DGKB: variants seen among roughly 807,000 people sequenced by gnomAD.
The protein encoded by DGKB is 90 kDa diacylglycerol kinase.
Under a neutral mutation model 114.3 loss-of-function variants are expected in DGKB, and 67 were observed. The observed-to-expected ratio is 0.59, with a 90% CI of 0.48 to 0.72. The LOEUF is 0.72. DGKB is among the 30% of genes least tolerant of loss of function. The pLI, the probability that DGKB is intolerant of heterozygous loss-of-function variation, is 0.00. For synonymous variants in DGKB, 398 were observed against 323.1 expected, an observed-to-expected ratio of 1.23 and a Z score of -2.49; for missense variants, 907 against 975.2, an observed-to-expected ratio of 0.93 and a Z score of 0.93.
At chr7:14,793,005 T>C (rs1840897133) in intron 2 of DGKB, among the ~76,000 whole-genome samples, 1 of 152,086 alleles carries the variant, frequency 6.6e-6, no homozygotes, top group Non-Finnish European at 1.5e-5. Flanking sequence ...TGTGAAGATA[T>C]ACACAGACAA....
chr7:14,506,892 A>C (rs1787170231), intron 20 of DGKB, among the ~76,000 whole-genome samples: 1 of 152,192 alleles, frequency 6.6e-6, no homozygotes, highest in Non-Finnish European at 1.5e-5. Flanking sequence ...GAAGTCATAT[A>C]TATCAATTCT....
At chr7:14,931,803 C>T (rs1587405778) in intron 1 of DGKB, among the ~76,000 whole-genome samples, 1 of 151,914 alleles carries the variant, frequency 6.6e-6, no homozygotes, top group East Asian at 2.0e-4. Flanking sequence ...GACTAAGCCT[C>T]AGGAGCAACT....
rs1242332352 is a variant in DGKB, at chr7:14,866,682, CT to C, written c.-187-25233del. ...CAAGTTTTGGCAATTATTAATGAAACTGCTATAAACATTCATATGCAGATTT... is the reference window on the plus strand; with the variant it reads ...CAAGTTTTGGCAATTATTAATGAAACGCTATAAACATTCATATGCAGATTT... On this transcript the variant is annotated intron_variant, in intron 1 of 25. Coordinates refer to ENST00000402815, the MANE Select transcript of DGKB (RefSeq NM_001350709.2). Among the ~76,000 whole-genome samples the C allele has an allele frequency of 5.3e-5, 8 of 152,204 alleles. No homozygotes were observed. In the East Asian group the frequency reaches 7.7e-4, roughly 15 times the overall value.
intron 21 of DGKB, among the ~76,000 whole-genome samples, chr7:14,368,573 C>CTGTGTGTGTGTGTG (rs3069084): frequency 2.9e-4 from 43 of 148,728 alleles, no homozygotes; most frequent in Middle Eastern, 3.5e-3. Flanking sequence ...GGTATTTTCT[C>CTGTGTGTGTGTGTG]TGTGTGTGTG....
At chr7:14,424,367 C>A (rs1418502216) in intron 21 of DGKB, among the ~76,000 whole-genome samples, 2 of 151,850 alleles carry the variant, frequency 1.3e-5, no homozygotes, top group Non-Finnish European at 2.9e-5. Context: ...TCAAAATATT[C>A]TTCCTCCAGA....
chr7:14,685,559 C>T, intron 9 of DGKB, among the ~76,000 whole-genome samples, 197 bp from the exon 10 acceptor site: 1 of 152,148 alleles, frequency 6.6e-6, no homozygotes, highest in East Asian at 1.9e-4. Context: ...TAACAAATCA[C>T]CGATGCTATA....
At chr7:14,166,687 C>A (rs1452129164) in intron 25 of DGKB, among the ~76,000 whole-genome samples, 1 of 152,102 alleles carries the variant, frequency 6.6e-6, no homozygotes, top group Non-Finnish European at 1.5e-5. Context: ...TAATAAAAGG[C>A]AAATTGGGGA....
intron 21 of DGKB, among the ~76,000 whole-genome samples, chr7:14,376,695 C>T (rs1446770726): frequency 6.6e-6 from 1 of 152,142 alleles, no homozygotes; most frequent in African/African-American, 2.4e-5. Context: ...CCAGCCCCTT[C>T]AGTAGCACAT....
chr7:14,616,345 G>A (rs941153453), intron 15 of DGKB, among the ~76,000 whole-genome samples: 1 of 150,996 alleles, frequency 6.6e-6, no homozygotes, highest in Non-Finnish European at 1.5e-5. Flanking sequence ...TGGGATATGA[G>A]GTACCAATGT....
At chr7:14,654,907 A>G (rs2128909262) in intron 13 of DGKB, among the ~76,000 whole-genome samples, 1 of 152,026 alleles carries the variant, frequency 6.6e-6, no homozygotes, top group South Asian at 2.1e-4. Flanking sequence ...TAAATGTAAG[A>G]CCCAAAACTA....
intron 2 of DGKB, chr7:14,813,995 A>G (rs1843758078): frequency 6.6e-6 from 1 of 152,144 alleles, no homozygotes; most frequent in Non-Finnish European, 1.5e-5. Context: ...AGTAATTGCT[A>G]TTAATCTTAT....
intron 23 of DGKB, among the ~76,000 whole-genome samples, chr7:14,219,083 C>G (rs1368964371): frequency 6.6e-6 from 1 of 151,814 alleles, no homozygotes; most frequent in Non-Finnish European, 1.5e-5. Context: ...ACTCCATGTT[C>G]TAGTTTGCAT....
At chr7:14,962,636 T>TTTGTGTG (rs1786920345) in intron 1 of DGKB, among the ~76,000 whole-genome samples, 1 of 141,940 alleles carries the variant, frequency 7.0e-6, no homozygotes, top group African/African-American at 2.5e-5. Flanking sequence ...GTGTGTGTGT[T>TTTGTGTG]TGTGTGTGTG....
rs139401695 is a variant in DGKB, at chr7:14,293,188, G to A, written c.2122+45327C>T. Among the ~76,000 whole-genome samples, 1,185 of 152,144 alleles carry A rather than the reference G, an allele frequency of 7.8e-3. 9 individuals are homozygous for A. Among genetic ancestry groups the A allele is most frequent in the African/African-American group, 0.027 (1,126 of 41,508 alleles). On this transcript the variant is annotated intron_variant, in intron 23 of 25. Transcript: ENST00000402815. ...TTATGTTAACAAAATTTCAATTATTGAATAATTTGGGAATAAAGTTTCTTT... is the reference window on the plus strand; with the variant it reads ...TTATGTTAACAAAATTTCAATTATTAAATAATTTGGGAATAAAGTTTCTTT...
intron 21 of DGKB, among the ~76,000 whole-genome samples, chr7:14,380,208 G>C (rs1819215748): frequency 6.6e-6 from 1 of 151,550 alleles, no homozygotes; most frequent in African/African-American, 2.4e-5. Context: ...TATACATTTA[G>C]AAACCCCTTT....
At chr7:14,381,334 G>A (rs959689952) in intron 21 of DGKB, among the ~76,000 whole-genome samples, 1 of 152,172 alleles carries the variant, frequency 6.6e-6, no homozygotes, top group African/African-American at 2.4e-5. Context: ...TCAGTCATAG[G>A]CCTGAGATAA....
chr7:14,299,906 C>A (rs1157285405), intron 23 of DGKB, among the ~76,000 whole-genome samples: 1 of 150,332 alleles, frequency 6.7e-6, no homozygotes, highest in East Asian at 2.0e-4. Flanking sequence ...TAAAGTAAAG[C>A]AAAACACAAA....
At chr7:14,679,443 C>T (rs945606564) in intron 12 of DGKB, among the ~76,000 whole-genome samples, 8 of 151,930 alleles carry the variant, frequency 5.3e-5, no homozygotes, top group African/African-American at 1.9e-4. Flanking sequence ...AGTGAGGAGA[C>T]GATCTTAAGA....
chr7:14,859,797 A>C (rs1291319589), intron 1 of DGKB, among the ~76,000 whole-genome samples: 2 of 152,076 alleles, frequency 1.3e-5, no homozygotes, highest in African/African-American at 4.8e-5. Flanking sequence ...CAAATATCTG[A>C]AATGCATAAC....
Sources: allele counts gnomAD v4.1 joint callset (sites outside exome capture counted in the v4.1 genomes callset), GRCh38; gene constraint gnomAD v4.1.1; transcripts MANE v1.5; gene names NCBI Gene and HGNC (gene_info 2026-07-23, HGNC 2026-07-21).